Variants in ABCC12 observed in about 807,000 individuals in gnomAD.
ABCC12 encodes ATP-binding cassette sub-family C member 12.
ABCC12 carries 142 observed loss-of-function variants against 151.1 expected under a neutral mutation model. The observed-to-expected ratio is 0.94, with a 90% CI of 0.82 to 1.08. The LOEUF is 1.08. Among genes scored for constraint, ABCC12 ranks in the 50% least tolerant of loss-of-function variants. The pLI is 0.00. For synonymous variants in ABCC12, 645 were observed against 646.4 expected (o/e 1.00, Z 0.03); for missense variants, 1,638 against 1,691.1 (o/e 0.97, Z 0.55).
intron 10 of ABCC12, among the ~76,000 whole-genome samples, chr16:48,130,225 T>C (rs2150653875): frequency 6.6e-6 from 1 of 152,338 alleles, no homozygotes; most frequent in South Asian, 2.1e-4. Context: ...ATTATATCCT[T>C]ATCATGTATA....
intron 4 of ABCC12, among the ~76,000 whole-genome samples, chr16:48,142,950 C>G (rs535570184): frequency 1.3e-5 from 2 of 152,302 alleles, no homozygotes; most frequent in East Asian, 3.9e-4. Flanking sequence ...TTTCATAGTG[C>G]TTGCCTCCAG....
intron 9 of ABCC12, among the ~76,000 whole-genome samples, chr16:48,132,704 C>T (rs1167353036): frequency 1.3e-5 from 2 of 152,204 alleles, no homozygotes; most frequent in Non-Finnish European, 2.9e-5. Flanking sequence ...CCAGTTCTCC[C>T]TCTAAGGCTT....
In ABCC12 at chr16:48,146,308, T is replaced by G; in HGVS notation, c.117A>C (p.Ala39=). The change falls in exon 3 of 31, where the codon GCA becomes GCC. Residue 39 remains alanine, a splice_region_variant and synonymous_variant. Coordinates refer to ENST00000311303, the MANE Select transcript of ABCC12 (RefSeq NM_001393797.1). ...LKTMIPVRPC[A]RLAPNPVDDA... ...CTTCTGTCCTTCTTCTGACTTACCTTGCACAGGGTCGCACTGGGATCATGG... is the reference window on the plus strand; with the variant it reads ...CTTCTGTCCTTCTTCTGACTTACCTGGCACAGGGTCGCACTGGGATCATGG... 1 of 1,614,112 alleles carries G rather than the reference T, an allele frequency of 6.2e-7. No individual in the cohort carries two copies. Among genetic ancestry groups the G allele is most frequent in the African/African-American group, 1.3e-5 (1 of 75,048 alleles).
At chr16:48,140,141 A>G (rs758786836) in intron 6 of ABCC12, among the ~76,000 whole-genome samples, 1 of 152,196 alleles carries the variant, frequency 6.6e-6, no homozygotes, top group Non-Finnish European at 1.5e-5. Context: ...CAAGTCTTTT[A>G]TCTTACCCCA....
chr16:48,094,530 A>G (rs1963022954), intron 24 of ABCC12, among the ~76,000 whole-genome samples: 2 of 152,174 alleles, frequency 1.3e-5, no homozygotes, highest in African/African-American at 2.4e-5. Context: ...GGCTCTGTAT[A>G]TAGACAACCA....
chr16:48,130,954 C>T (rs759104165), intron 9 of ABCC12, 59 bp from the exon 10 acceptor site: 84 of 1,206,510 alleles, frequency 7.0e-5, no homozygotes, highest in Non-Finnish European at 8.1e-5. Context: ...GGCTCTAAAC[C>T]GTTATACACA....
chr16:48,144,300 A>G (rs74018262), intron 3 of ABCC12, among the ~76,000 whole-genome samples: 4 of 152,366 alleles, frequency 2.6e-5, no homozygotes, highest in Admixed American at 2.6e-4. Context: ...TCAATATTCA[A>G]AATTAAATTA....
At chr16:48,134,141 G>A (rs1964528119) in intron 8 of ABCC12, among the ~76,000 whole-genome samples, 1 of 152,150 alleles carries the variant, frequency 6.6e-6, no homozygotes, top group African/African-American at 2.4e-5. Context: ...GAAGGAAGTG[G>A]GGCCAGAGAG....
rs768153280 is a variant in ABCC12 at position 48,083,823 on chromosome 16, C to T, written c.3994-22G>A. ...TCACCTGAAAGTCAGAGAAGAAGAA[C>T]TGAAATCATCGGAAAATATCTACCC... On this transcript the variant is annotated intron_variant, in intron 30 of 30. Coordinates refer to ENST00000311303, the MANE Select transcript of ABCC12 (RefSeq NM_001393797.1). 2.0e-5 allele frequency: 33 copies of T among 1,614,016 alleles called. No homozygotes were observed. In the Middle Eastern group the frequency reaches 6.6e-4, roughly 32 times the overall value.
chr16:48,151,247 C>T (rs1298075196), intron 2 of ABCC12, among the ~76,000 whole-genome samples: 1 of 152,144 alleles, frequency 6.6e-6, no homozygotes, highest in Non-Finnish European at 1.5e-5. Context: ...CGCCCAAAAC[C>T]TCATAACGCC....
At chr16:48,141,478 C>T in intron 4 of ABCC12, 125 bp from the exon 5 acceptor site, 1 of 1,266,136 alleles carries the variant, frequency 7.9e-7, no homozygotes, top group Non-Finnish European at 1.1e-6. Flanking sequence ...TGGTGCCTTC[C>T]AGCACTGGCT....
intron 20 of ABCC12, 149 bp from the exon 21 acceptor site, chr16:48,105,485 C>T (rs1054508038): frequency 1.2e-6 from 1 of 830,204 alleles, no homozygotes; most frequent in Admixed American, 2.4e-5. Flanking sequence ...CTAGTCTGTT[C>T]CCTTCTGGGG....
intron 15 of ABCC12, among the ~76,000 whole-genome samples, chr16:48,114,057 T>A (rs1316513180): frequency 3.3e-5 from 5 of 152,162 alleles, no homozygotes; most frequent in Non-Finnish European, 5.9e-5. Context: ...AATCCAACCT[T>A]GTCCTCCATC....
In ABCC12 at chr16:48,128,504, G is replaced by A; in HGVS notation, c.1470C>T (p.Asp490=). ...TGCTGTGCAGAACCGATTTGAGGCTGTCACTTTGCTCCTCTGGGCCAGTGG... is the reference window on the plus strand; with the variant it reads ...TGCTGTGCAGAACCGATTTGAGGCTATCACTTTGCTCCTCTGGGCCAGTGG... ...KGATGPEEQS[D]SLKSVLHSIS... The change falls in exon 11 of 31, where the codon GAC becomes GAT. Residue 490 remains aspartate (D), a synonymous_variant. Transcript: ENST00000311303. 6.2e-7 allele frequency: 1 copy of A among 1,614,246 alleles called. No homozygotes were observed. Among genetic ancestry groups the A allele is most frequent in the Non-Finnish European group, 8.5e-7 (1 of 1,180,046 alleles).
intron 13 of ABCC12, among the ~76,000 whole-genome samples, chr16:48,119,609 G>A (rs888377811): frequency 1.1e-4 from 16 of 152,236 alleles, no homozygotes; most frequent in Admixed American, 9.2e-4. Flanking sequence ...CGGCATGGCC[G>A]GGGAAGAGGA....
chr16:48,137,164 G>T (rs541798994), intron 8 of ABCC12, among the ~76,000 whole-genome samples: 2 of 152,274 alleles, frequency 1.3e-5, no homozygotes, highest in East Asian at 3.9e-4. Flanking sequence ...TATTGGCTTG[G>T]ACTGGGTGGG....
intron 26 of ABCC12, among the ~76,000 whole-genome samples, 183 bp downstream of exon 26, chr16:48,088,362 G>A (rs554973864): frequency 6.6e-6 from 1 of 152,158 alleles, no homozygotes; most frequent in Non-Finnish European, 1.5e-5. Context: ...AAACTGATGT[G>A]TTTGCTTCCA....
intron 13 of ABCC12, among the ~76,000 whole-genome samples, chr16:48,120,065 G>A (rs979451567): frequency 5.9e-5 from 9 of 152,146 alleles, no homozygotes; most frequent in African/African-American, 1.9e-4. Context: ...ACTTTCCAGA[G>A]CTTAAAGATG....
intron 2 of ABCC12, among the ~76,000 whole-genome samples, chr16:48,152,638 C>T (rs775717102): frequency 1.3e-5 from 2 of 152,212 alleles, no homozygotes; most frequent in Non-Finnish European, 2.9e-5. Flanking sequence ...AAACCAGCCT[C>T]TCAGGGAGAA....
Sources: allele counts gnomAD v4.1 joint callset (sites outside exome capture counted in the v4.1 genomes callset), GRCh38; gene constraint gnomAD v4.1.1; transcripts MANE v1.5; gene names NCBI Gene and HGNC (gene_info 2026-07-23, HGNC 2026-07-21).